The following DCBLD2 variants were observed in gnomAD, a reference collection of about 807,000 sequenced individuals.
DCBLD2 encodes the protein discoidin, CUB and LCCL domain-containing protein 2.
Under a neutral mutation model 86.8 loss-of-function variants are expected in DCBLD2, and 54 were observed. The observed-to-expected ratio is 0.62, with a 90% CI of 0.50 to 0.78. DCBLD2 has a LOEUF of 0.78. Ranked by LOEUF, DCBLD2 falls within the 30% of genes least tolerant of loss-of-function variation. The pLI, the probability that DCBLD2 is intolerant of heterozygous loss-of-function variation, is 0.00. For synonymous variants in DCBLD2, 354 were observed against 341.3 expected, an observed-to-expected ratio of 1.04 and a Z score of -0.41; for missense variants, 908 against 954.2, an observed-to-expected ratio of 0.95 and a Z score of 0.64.
intron 6 of DCBLD2, among the ~76,000 whole-genome samples, chr3:98,820,537 G>A (rs1942100525): frequency 6.6e-6 from 1 of 152,112 alleles, no homozygotes; most frequent in Non-Finnish European, 1.5e-5. Flanking sequence ...ATGTGATTGT[G>A]CAAAAGTTCT....
intron 3 of DCBLD2, among the ~76,000 whole-genome samples, chr3:98,825,643 T>TTATTTATATA (rs1553725523): frequency 2.6e-5 from 3 of 115,100 alleles, no homozygotes; most frequent in East Asian, 4.0e-4. Context: ...ATATGTGTAT[T>TTATTTATATA]TATATATATA....
At position 98,817,791 on chromosome 3, in the gene DCBLD2, T is replaced by TAC; in HGVS notation, c.1189_1190insGT (p.Glu397GlyfsTer36). 6.2e-7 allele frequency: 1 copy of TAC among 1,613,660 alleles called. No homozygotes were observed. The highest frequency in any genetic ancestry group is 8.5e-7 in the Non-Finnish European group (1 of 1,179,700). Reference sequence around the variant, plus strand: ...TACCTTATCTTGCTCCACACCAGGCTCTCTGTACACAGTCCATTTCTGCCC... The same window carrying TAC: ...TACCTTATCTTGCTCCACACCAGGCTACCTCTGTACACAGTCCATTTCTGCCC... On this transcript the variant is annotated frameshift_variant, in exon 9 of 16. Transcript: ENST00000326840. LOFTEE classifies it high-confidence loss of function.
At chr3:98,870,737 A>AAGAAAGAAAGAAAGAAAGAAAGAAAAG (rs60463776) in intron 2 of DCBLD2, among the ~76,000 whole-genome samples, 1 of 69,798 alleles carries the variant, frequency 1.4e-5, no homozygotes, top group African/African-American at 5.7e-5. Flanking sequence ...AAAAGAAAGA[A>AAGAAAGAAAGAAAGAAAGAAAGAAAAG]AAAGAAAGAA....
chr3:98,796,902 T>G lies in DCBLD2; in HGVS notation c.*2470A>C, dbSNP rs1188685162. The G allele has an allele frequency of 1.3e-5, 2 of 152,594 alleles. No individual in the cohort carries two copies. The highest frequency in any genetic ancestry group is 2.4e-5 in the African/African-American group (1 of 41,444). The allele number at this position is 152,594 out of a possible 1,614,324, so 9.5% of individuals were successfully genotyped here. Reference sequence around the variant, plus strand: ...GAAAAAACTTAATCCAATATACCAGTGACTTTGAGTCTTAAATGTTGCAAG... The same window carrying G: ...GAAAAAACTTAATCCAATATACCAGGGACTTTGAGTCTTAAATGTTGCAAG... On this transcript the variant is annotated 3_prime_UTR_variant, in exon 16 of 16. Transcript: ENST00000326840.
At chr3:98,892,856 A>G (rs968713542) in intron 1 of DCBLD2, among the ~76,000 whole-genome samples, 1 of 152,186 alleles carries the variant, frequency 6.6e-6, no homozygotes, top group Non-Finnish European at 1.5e-5. Context: ...ACAAAGGTAT[A>G]TCAGGAAAGA....
At chr3:98,805,009 T>A (rs138296566) in intron 13 of DCBLD2, 1 of 152,326 alleles carries the variant, frequency 6.6e-6, no homozygotes, top group Non-Finnish European at 1.5e-5. Flanking sequence ...AATTTGCGTG[T>A]CATCCTTGCA....
chr3:98,799,462 G>T lies in DCBLD2; in HGVS notation c.2238C>A (p.Asp746Glu). ...TCTGTGGCACCTGGTACACCAATTC[G>T]TCTGGGGCAGGTAGACCTGGCTTCC... ...KAGKPGLPAPDELVYQVPQST... is the reference protein window; with the variant it reads ...KAGKPGLPAPEELVYQVPQST... The change falls in exon 16 of 16, where the codon GAC (aspartate) becomes GAA (glutamate). Residue 746 changes from aspartate (D) to glutamate (E), a missense_variant. Asp to Glu is a conservative substitution (Grantham distance 45). This residue lies in a region of DCBLD2 where 606 missense variants were observed against 678.5 expected (regional missense o/e 0.89). Transcript: ENST00000326840. The T allele has an allele frequency of 6.2e-7, 1 of 1,613,940 alleles. No individual in the cohort carries two copies. Among genetic ancestry groups the T allele is most frequent in the Non-Finnish European group, 8.5e-7 (1 of 1,179,882 alleles).
chr3:98,825,898 C>G (rs1488174936), intron 3 of DCBLD2, among the ~76,000 whole-genome samples: 2 of 151,894 alleles, frequency 1.3e-5, no homozygotes, highest in African/African-American at 4.8e-5. Context: ...ACTGGTGCAT[C>G]AGCACCTTCT....
At chr3:98,827,325 A>C (rs1292229985) in intron 3 of DCBLD2, among the ~76,000 whole-genome samples, 3 of 152,222 alleles carry the variant, frequency 2.0e-5, no homozygotes, top group African/African-American at 7.2e-5. Flanking sequence ...TCCGACTTCT[A>C]AGATTAGAAG....
intron 3 of DCBLD2, among the ~76,000 whole-genome samples, chr3:98,832,631 G>T (rs1432116290): frequency 2.0e-5 from 3 of 152,118 alleles, no homozygotes; most frequent in Non-Finnish European, 4.4e-5. Context: ...AGGTGGGTCT[G>T]GTGGTAATGA....
chr3:98,829,267 C>G (rs1464386797), intron 3 of DCBLD2, among the ~76,000 whole-genome samples: 1 of 152,046 alleles, frequency 6.6e-6, no homozygotes, highest in East Asian at 1.9e-4. Context: ...AGAGAGTGAA[C>G]ATAGTACCCA....
intron 1 of DCBLD2, among the ~76,000 whole-genome samples, chr3:98,898,164 A>G (rs1327078326): frequency 6.6e-6 from 1 of 152,068 alleles, no homozygotes; most frequent in Non-Finnish European, 1.5e-5. Flanking sequence ...TTATAAATTT[A>G]TAAGTGAAAC....
chr3:98,801,252 C>T (rs1025089114), intron 14 of DCBLD2: 37 of 280,284 alleles, frequency 1.3e-4, no homozygotes, highest in African/African-American at 5.9e-4. Flanking sequence ...CAAACACACA[C>T]TGTGTCCTGG....
At chr3:98,856,526 T>C (rs1480080830) in intron 2 of DCBLD2, among the ~76,000 whole-genome samples, 1 of 151,880 alleles carries the variant, frequency 6.6e-6, no homozygotes, top group Non-Finnish European at 1.5e-5. Flanking sequence ...AAACAAAAAA[T>C]GGGAATCCCT....
Position 98,799,356 on chromosome 3 carries a change from A to G in DCBLD2, c.*16T>C, listed in dbSNP as rs1941671014. 3 of 1,582,048 alleles carry G rather than the reference A, an allele frequency of 1.9e-6. No homozygotes were observed. In the South Asian group the frequency reaches 3.5e-5, roughly 18 times the overall value. ...ATGTGCTTTAAAACGATGCTTTGTA[A>G]AAAGCAGCATCATCTTCAAAGGATT... On this transcript the variant is annotated 3_prime_UTR_variant, in exon 16 of 16. Coordinates refer to ENST00000326840, the MANE Select transcript of DCBLD2 (RefSeq NM_080927.4).
chr3:98,862,749 C>A (rs1943067693), intron 2 of DCBLD2, among the ~76,000 whole-genome samples: 1 of 152,122 alleles, frequency 6.6e-6, no homozygotes, highest in African/African-American at 2.4e-5. Flanking sequence ...TTATGACAAA[C>A]CCACAGCCAA....
chr3:98,820,868 C>T (rs910594124), intron 6 of DCBLD2: 1 of 145,298 alleles, frequency 6.9e-6, no homozygotes, highest in Admixed American at 7.1e-5. Context: ...CAAGAGGATG[C>T]AATTTATCCC....
At chr3:98,874,673 A>T (rs890202574) in intron 2 of DCBLD2, among the ~76,000 whole-genome samples, 1 of 152,216 alleles carries the variant, frequency 6.6e-6, no homozygotes, top group African/African-American at 2.4e-5. Flanking sequence ...TTAGAGAGGT[A>T]ATTAAAATTA....
intron 7 of DCBLD2, 58 bp downstream of exon 7, chr3:98,820,190 A>G: frequency 8.8e-7 from 1 of 1,135,170 alleles, no homozygotes; most frequent in Non-Finnish European, 1.2e-6. Context: ...CACAGTGCCT[A>G]ACAGTGTTCA....
Sources: gnomAD v4.1 joint callset for allele counts (sites outside exome capture counted in the v4.1 genomes callset) on GRCh38, gnomAD v4.1.1 for gene constraint, gnomAD v4.1.1 regional missense constraint, MANE v1.5 for transcripts, NCBI Gene and HGNC (gene_info 2026-07-23, HGNC 2026-07-21) for gene names.